DHX57: variants seen among roughly 807,000 people sequenced by gnomAD.
DHX57 encodes the protein DExH-box helicase 57.
Under a neutral mutation model 156.2 loss-of-function variants are expected in DHX57, and 105 were observed. That is an observed-to-expected ratio of 0.67 (90% confidence interval 0.57 to 0.79). The LOEUF (loss-of-function observed/expected upper bound fraction) is 0.79, where lower values mean the gene tolerates loss of function less well. DHX57 is among the 30% of genes least tolerant of loss of function. The probability of loss-of-function intolerance (pLI) is 0.00; values close to 1 mark genes in which losing one functional copy is unlikely to be tolerated. For synonymous variants in DHX57, 704 were observed against 595.6 expected, an observed-to-expected ratio of 1.18 and a Z score of -2.65; for missense variants, 1,847 against 1,661.9, an observed-to-expected ratio of 1.11 and a Z score of -1.94.
intron 1 of DHX57, among the ~76,000 whole-genome samples, chr2:38,875,395 C>G (rs1665560463): frequency 6.6e-6 from 1 of 152,204 alleles, no homozygotes; most frequent in South Asian, 2.1e-4. Flanking sequence ...ATATCCAGAT[C>G]TCGTATCCTT....
intron 2 of DHX57, chr2:38,867,221 C>G (rs1665127447): frequency 6.6e-6 from 1 of 152,194 alleles, no homozygotes; most frequent in Admixed American, 6.5e-5. Flanking sequence ...GTTGTACCAT[C>G]TGGGGTTGTG....
chr2:38,867,425 C>T (rs1327029357), intron 2 of DHX57, among the ~76,000 whole-genome samples: 1 of 152,146 alleles, frequency 6.6e-6, no homozygotes, highest in African/African-American at 2.4e-5. Flanking sequence ...AAAAGTTGAA[C>T]AGGAGAGAAA....
chr2:38,860,363 C>A (rs544030429), intron 5 of DHX57, among the ~76,000 whole-genome samples: 2 of 152,206 alleles, frequency 1.3e-5, no homozygotes, highest in Admixed American at 1.3e-4. Flanking sequence ...GCAGGAGAAT[C>A]GCTTGAACCT....
chr2:38,862,008 T>C, intron 4 of DHX57, 137 bp downstream of exon 4: 1 of 1,234,040 alleles, frequency 8.1e-7, no homozygotes, highest in Non-Finnish European at 1.1e-6. Context: ...CCCCTTCTGA[T>C]AAGATAGAAT....
intron 2 of DHX57, among the ~76,000 whole-genome samples, chr2:38,865,742 CAGACTCAGAACTTTAGCATTTATCTAT>C (rs1292495206): frequency 1.3e-5 from 2 of 152,162 alleles, no homozygotes; most frequent in Non-Finnish European, 2.9e-5. Flanking sequence ...CGATTTTATC[CAGACTCAGAACTTTAGCATTTATCTAT>C]AGAAGACTCA....
intron 23 of DHX57, among the ~76,000 whole-genome samples, chr2:38,799,427 C>T (rs1365732709): frequency 1.0e-5 from 1 of 97,790 alleles, no homozygotes; most frequent in African/African-American, 3.6e-5. Context: ...CACTGCAGAC[C>T]TTGTTGTCTC....
chr2:38,861,758 G>C lies in DHX57; in HGVS notation c.652C>G (p.Leu218Val). 2 of 1,614,174 alleles carry C rather than the reference G, an allele frequency of 1.2e-6. No individual in the cohort carries two copies. Among genetic ancestry groups the C allele is most frequent in the South Asian group, 2.2e-5 (2 of 91,074 alleles). The stretch of plus-strand genomic sequence containing the variant: ...AATGTCTCTGAAAAACACTGGGTAA[G>C]GAGATGCTCTAGTGATGCTCCCACA... Reference protein sequence around the residue: ...GDVGASLEHLLTQCFSETFGE... With the variant: ...GDVGASLEHLVTQCFSETFGE... Residue 218 changes from leucine to valine, a missense_variant, in exon 5 of 24, where the codon CTT becomes GTT. Transcript: ENST00000457308.
chr2:38,820,326 C>CT lies in DHX57; in HGVS notation c.3292-1183dup, dbSNP rs1297981293. ...ACATCAATATTTCTTTTCTCTCTCT[C>CT]TTTTTTTTTTTTCTTCAGATCACTA... On this transcript the variant is annotated intron_variant, in intron 17 of 23. Coordinates refer to ENST00000457308, the MANE Select transcript of DHX57 (RefSeq NM_198963.3). Among the ~76,000 whole-genome samples the CT allele has an allele frequency of 1.7e-3, 247 of 146,152 alleles. 1 individual carries two copies. The highest frequency in any genetic ancestry group is 3.4e-3 in the African/African-American group (136 of 40,268).
At chr2:38,806,439 C>A in intron 22 of DHX57, 120 bp downstream of exon 22, 1 of 1,073,326 alleles carries the variant, frequency 9.3e-7, no homozygotes, top group Non-Finnish European at 1.3e-6. Context: ...TCAATCTTCC[C>A]TCAGTCAGTG....
chr2:38,867,819 A>C (rs1665157220), intron 2 of DHX57, among the ~76,000 whole-genome samples: 1 of 152,192 alleles, frequency 6.6e-6, no homozygotes. Flanking sequence ...GGGCCTCCCA[A>C]AGTGATGGGA....
chr2:38,829,440 T>G (rs1671268921), intron 13 of DHX57, among the ~76,000 whole-genome samples: 1 of 152,068 alleles, frequency 6.6e-6, no homozygotes, highest in South Asian at 2.1e-4. Context: ...CGCCAGCTAA[T>G]TTTTGTAGTT....
At chr2:38,829,461 C>A (rs1369883609) in intron 13 of DHX57, among the ~76,000 whole-genome samples, 1 of 151,406 alleles carries the variant, frequency 6.6e-6, no homozygotes, top group Non-Finnish European at 1.5e-5. Flanking sequence ...TTAGTAGAGA[C>A]AGGTTTCACC....
intron 21 of DHX57, chr2:38,810,917 G>A (rs1670210879): frequency 1.2e-5 from 10 of 808,082 alleles, no homozygotes; most frequent in Non-Finnish European, 1.9e-5. Context: ...ACTTCATTCA[G>A]GTACATGAAG....
intron 2 of DHX57, among the ~76,000 whole-genome samples, chr2:38,864,987 T>C (rs1664990407): frequency 6.6e-6 from 1 of 152,184 alleles, no homozygotes; most frequent in African/African-American, 2.4e-5. Flanking sequence ...TCTTTAAGCA[T>C]ACAATTCGAT....
At position 38,802,760 on chromosome 2, in the gene DHX57, G is replaced by A; in HGVS notation, c.3972C>T (p.Val1324=). 1 of 1,614,174 alleles carries A rather than the reference G, an allele frequency of 6.2e-7. No individual in the cohort carries two copies. Among genetic ancestry groups the A allele is most frequent in the Non-Finnish European group, 8.5e-7 (1 of 1,180,032 alleles). ...AACGGATCCAACCATCATCCAGGGA[G>A]ACAACGAACTCTCCTCTTTGAAGCT... ...NVQLQRGEFV[V]SLDDGWIRFV... is the part of the protein sequence containing the mutation. The change falls in exon 23 of 24, where the codon GTC becomes GTT. Residue 1324 remains valine, a synonymous_variant. Coordinates refer to ENST00000457308, the MANE Select transcript of DHX57 (RefSeq NM_198963.3).
intron 21 of DHX57, among the ~76,000 whole-genome samples, chr2:38,807,366 CT>C (rs1445524195): frequency 6.6e-6 from 1 of 150,830 alleles, no homozygotes; most frequent in Non-Finnish European, 1.5e-5. Context: ...GTAAATATAA[CT>C]TTTTTTTTGA....
At chr2:38,817,105 A>AT (rs1670581965) in intron 19 of DHX57, among the ~76,000 whole-genome samples, 2 of 151,798 alleles carry the variant, frequency 1.3e-5, no homozygotes, top group Non-Finnish European at 2.9e-5. Flanking sequence ...TAATTTTTAT[A>AT]TTTTTTTGTA....
intron 13 of DHX57, among the ~76,000 whole-genome samples, chr2:38,830,331 G>C (rs1671315591): frequency 6.6e-6 from 1 of 152,078 alleles, no homozygotes; most frequent in African/African-American, 2.4e-5. Context: ...GCCATCCATT[G>C]AGAAGGTTAT....
Position 38,806,647 on chromosome 2 carries a change from ACAGCTC to A in DHX57, c.3722_3727del (p.Gly1241_Ala1242del), listed in dbSNP as rs1216009679. On this transcript the variant is annotated inframe_deletion, in exon 22 of 24. Coordinates refer to ENST00000457308, the MANE Select transcript of DHX57 (RefSeq NM_198963.3). ...CTCAGCTGATTTTGGTTGCATTCTG[ACAGCTC>A]CAGTACTGGTCTTCTGAAATTTTCC... 1 of 1,614,154 alleles carries A rather than the reference ACAGCTC, an allele frequency of 6.2e-7. No homozygotes were observed. Among genetic ancestry groups the A allele is most frequent in the Non-Finnish European group, 8.5e-7 (1 of 1,180,018 alleles).
Sources: gnomAD v4.1 joint callset for allele counts (sites outside exome capture counted in the v4.1 genomes callset) on GRCh38, gnomAD v4.1.1 for gene constraint, MANE v1.5 for transcripts, NCBI Gene and HGNC (gene_info 2026-07-23, HGNC 2026-07-21) for gene names.